Variants in PSG5 observed in about 807,000 individuals in gnomAD.
PSG5 encodes pregnancy-specific beta-1-glycoprotein 5.
PSG5 carries 53 observed loss-of-function variants against 37.7 expected under a neutral mutation model. The observed-to-expected ratio is 1.41, with a 90% confidence interval of 1.13 to 1.77. The LOEUF (loss-of-function observed/expected upper bound fraction) is 1.77, where lower values mean the gene tolerates loss of function less well. PSG5 is among the 40% of genes most tolerant of loss of function. PSG5 has a pLI of 0.00. For missense variants in PSG5, 547 were observed against 405.2 expected (o/e 1.35, Z -3.00); for synonymous variants, 221 against 155.4 (o/e 1.42, Z -3.14).
chr19:43,183,464 A>G, intron 2 of PSG5: 4 of 528,080 alleles, frequency 7.6e-6, no homozygotes, highest in Non-Finnish European at 1.5e-5. Flanking sequence ...CCTGTGCTGG[A>G]GCAGGGTCTG....
intron 4 of PSG5, chr19:43,174,627 G>C (rs902545287): frequency 2.0e-6 from 2 of 976,010 alleles, no homozygotes; most frequent in African/African-American, 3.5e-5. Context: ...TCAACTGGCA[G>C]CTCGATTTAG....
chr19:43,176,701 G>A (rs2122218763), intron 2 of PSG5, among the ~76,000 whole-genome samples: 1 of 150,694 alleles, frequency 6.6e-6, no homozygotes, highest in Admixed American at 6.6e-5. Flanking sequence ...CAAGCCTGGA[G>A]GTCAGTTCAG....
At chr19:43,179,074 C>G in intron 2 of PSG5, 1 of 1,612,126 alleles carries the variant, frequency 6.2e-7, no homozygotes. Context: ...TCTGAAGCCG[C>G]AGGATCACAG....
chr19:43,184,993 C>T lies in PSG5; in HGVS notation c.219G>A (p.Met73Ile). 1 of 1,612,490 alleles carries T rather than the reference C, an allele frequency of 6.2e-7. No individual in the cohort carries two copies. The highest frequency in any genetic ancestry group is 8.5e-7 in the Non-Finnish European group (1 of 1,179,144). ...AGYIWYKGQL[M>I]DLYHYITSYV... ...ATGATGTAATGTAATGGTAGAGGTC[C>T]ATCAGTTGTCCTTTGTACCAGATGT... is the stretch of plus-strand genomic sequence containing the variant. Residue 73 changes from methionine to isoleucine, a missense_variant, in exon 2 of 6, where the codon ATG (methionine) becomes ATA (isoleucine). By Grantham distance (10) the Met-to-Ile change is conservative. Coordinates refer to ENST00000342951, the MANE Select transcript of PSG5 (RefSeq NM_002781.4).
At chr19:43,172,357 T>G (rs1442112327) in intron 4 of PSG5, among the ~76,000 whole-genome samples, 1 of 151,626 alleles carries the variant, frequency 6.6e-6, no homozygotes, top group Non-Finnish European at 1.5e-5. Context: ...CTTTTGACAC[T>G]TTTATTCAAC....
rs559647144 is a variant in PSG5 at position 43,170,252 on chromosome 19, C to T, written c.965-114G>A. Reference sequence around the variant, plus strand: ...TCTATAATTGTTTCTTCAAGTACTACATTATTCCTCTTGGGAAATTGATGG... The same window carrying T: ...TCTATAATTGTTTCTTCAAGTACTATATTATTCCTCTTGGGAAATTGATGG... On this transcript the variant is annotated intron_variant, in intron 4 of 5. Coordinates refer to ENST00000342951, the MANE Select transcript of PSG5 (RefSeq NM_002781.4). The T allele has an allele frequency of 5.6e-5, 56 of 994,802 alleles. No individual in the cohort carries two copies. The South Asian group carries it at 7.3e-4, about 13-fold the overall frequency. 61.6% of individuals were successfully genotyped at this position (994,802 alleles called of 1,614,324 possible). A position where few individuals can be genotyped will look rare whatever the true frequency, so the allele number is the denominator to read the frequency against.
intron 2 of PSG5, among the ~76,000 whole-genome samples, chr19:43,176,840 G>T: frequency 1.3e-5 from 2 of 151,040 alleles, no homozygotes; most frequent in African/African-American, 4.9e-5. Flanking sequence ...AAGGGGACAG[G>T]CAAGAGCTGG....
rs1136047 is a variant in PSG5, at chr19:43,168,116, G to T, written c.*128C>A. 6.7e-6 allele frequency: 3 copies of T among 444,984 alleles called. No homozygotes were observed. Among genetic ancestry groups the T allele is most frequent in the African/African-American group, 2.1e-5 (1 of 48,758 alleles). 27.6% of individuals were successfully genotyped at this position (444,984 alleles called of 1,614,324 possible). On this transcript the variant is annotated 3_prime_UTR_variant, in exon 6 of 6. Transcript: ENST00000342951. ...AACTTGTATTCAAGAGTCCTTGTCA[G>T]AGTCTTTTCCATAAATCTCCTTGAA...
At chr19:43,172,883 T>G (rs1968933503) in intron 4 of PSG5, among the ~76,000 whole-genome samples, 1 of 151,580 alleles carries the variant, frequency 6.6e-6, no homozygotes, top group African/African-American at 2.4e-5. Flanking sequence ...AAATCTGTCC[T>G]AAAATTTATA....
At chr19:43,174,969 C>T (rs1414079484) in intron 4 of PSG5, 3 of 1,367,150 alleles carry the variant, frequency 2.2e-6, no homozygotes, top group Non-Finnish European at 2.0e-6. Flanking sequence ...CCACATAGGG[C>T]TCAGGGCTGA....
chr19:43,177,204 G>A (rs916469674), intron 2 of PSG5, among the ~76,000 whole-genome samples: 2 of 151,604 alleles, frequency 1.3e-5, no homozygotes, highest in East Asian at 3.9e-4. Context: ...GGAGTGGGGA[G>A]AATCAGAAGT....
intron 3 of PSG5, 191 bp from the exon 4 acceptor site, chr19:43,175,660 G>A: frequency 7.2e-7 from 1 of 1,386,448 alleles, no homozygotes; most frequent in Admixed American, 2.5e-5. Context: ...TTGACACAAA[G>A]TCTCCCATGA....
chr19:43,183,527 G>T lies in PSG5; in HGVS notation c.430+1255C>A, dbSNP rs552150326. ...CTTGATCCTTTCATGACAGTGACAT[G>T]GGCACTTTGGGAAACACAGGATTTC... On this transcript the variant is annotated intron_variant, in intron 2 of 5. Coordinates refer to ENST00000342951, the MANE Select transcript of PSG5 (RefSeq NM_002781.4). 1.5e-3 allele frequency: 753 copies of T among 514,974 alleles called. 6 individuals are homozygous for T. The highest frequency in any genetic ancestry group is 2.5e-3 in the Non-Finnish European group (624 of 253,412). 31.9% of individuals were successfully genotyped at this position (514,974 alleles called of 1,614,324 possible).
intron 4 of PSG5, 76 bp downstream of exon 4, chr19:43,175,139 T>C (rs757739589): frequency 1.9e-6 from 3 of 1,609,934 alleles, no homozygotes; most frequent in Non-Finnish European, 2.5e-6. Context: ...AATAAAAATG[T>C]TTTCCTAACT....
chr19:43,176,755 T>G (rs1462889120), intron 2 of PSG5, among the ~76,000 whole-genome samples: 1 of 150,504 alleles, frequency 6.6e-6, no homozygotes, highest in African/African-American at 2.5e-5. Context: ...GTTTTGCAGG[T>G]GTTTCATGAT....
In PSG5 at chr19:43,175,934, A is replaced by G. The variant is rs1444157032; in HGVS notation, c.645T>C (p.Tyr215=). ...CATCTCGGTCCCGTATTTCACATTCATAGGGTCCTGTTTCATTTCTCGTGA... is the reference window on the plus strand; with the variant it reads ...CATCTCGGTCCCGTATTTCACATTCGTAGGGTCCTGTTTCATTTCTCGTGA... The part of the protein sequence containing the change: ...PSVTRNETGP[Y]ECEIRDRDGG... Residue 215 remains tyrosine, a synonymous_variant, in exon 3 of 6, where the codon TAT becomes TAC. Coordinates refer to ENST00000342951, the MANE Select transcript of PSG5 (RefSeq NM_002781.4). The G allele has an allele frequency of 3.7e-6, 6 of 1,612,474 alleles. No homozygotes were observed. The highest frequency in any genetic ancestry group is 2.7e-5 in the African/African-American group (2 of 74,620).
chr19:43,184,926 T>A lies in PSG5; in HGVS notation c.286A>T (p.Thr96Ser). The A allele has an allele frequency of 2.5e-6, 4 of 1,612,610 alleles. No homozygotes were observed. The highest frequency in any genetic ancestry group is 3.4e-6 in the Non-Finnish European group (4 of 1,179,172). ...GQINIYGPAY[T>S]GRETVYSNAS... ...TTGGAATATACTGTTTCTCGTCCAG[T>A]GTATGCAGGCCCATATATATTTATT... Residue 96 changes from threonine (T) to serine (S), a missense_variant, in exon 2 of 6, where the codon ACT (threonine) becomes TCT (serine). Transcript: ENST00000342951.
At chr19:43,181,928 G>A (rs1334551005) in intron 2 of PSG5, among the ~76,000 whole-genome samples, 1 of 151,688 alleles carries the variant, frequency 6.6e-6, no homozygotes, top group Non-Finnish European at 1.5e-5. Flanking sequence ...AGTCACGAGT[G>A]AAACAGTTGA....
intron 2 of PSG5, among the ~76,000 whole-genome samples, chr19:43,177,610 T>C (rs1235514152): frequency 1.3e-5 from 2 of 151,508 alleles, no homozygotes; most frequent in East Asian, 3.9e-4. Context: ...CTTTTGGATG[T>C]GAGAAAGGCT....
Sources: gnomAD v4.1 joint callset for allele counts (sites outside exome capture counted in the v4.1 genomes callset) on GRCh38, gnomAD v4.1.1 for gene constraint, MANE v1.5 for transcripts, NCBI Gene and HGNC (gene_info 2026-07-23, HGNC 2026-07-21) for gene names.